The following LIN28B variants were observed in gnomAD, a reference collection of about 807,000 sequenced individuals.
LIN28B encodes the protein protein lin-28 homolog B.
A neutral mutation model predicts 21.9 loss-of-function variants in LIN28B; 5 were observed. The ratio of observed to expected loss-of-function variants is 0.23; its 90% CI spans 0.12 to 0.48. LIN28B has a LOEUF of 0.48. Ranked by LOEUF, LIN28B falls within the 20% of genes least tolerant of loss-of-function variation. The pLI is 0.98. For synonymous variants in LIN28B, 109 were observed against 111.3 expected (o/e 0.98, Z 0.13); for missense variants, 245 against 310.5 (o/e 0.79, Z 1.58).
rs1029562093 is a variant in LIN28B, at chr6:105,079,893, G to A, written c.*1110G>A. The A allele has an allele frequency of 6.6e-6, 1 of 152,174 alleles. No individual in the cohort carries two copies. Among genetic ancestry groups the A allele is most frequent in the African/African-American group, 2.4e-5 (1 of 41,436 alleles). The allele number at this position is 152,174 out of a possible 1,614,324, so 9.4% of individuals were successfully genotyped here. On this transcript the variant is annotated 3_prime_UTR_variant, in exon 4 of 4. Transcript: ENST00000345080. ...TACTGGGGTTGAGAATTAAAATTAA[G>A]TGGATGTTCACAGTTGCCCAATATA...
chr6:104,986,320 C>T (rs2114259276), intron 2 of LIN28B, among the ~76,000 whole-genome samples: 1 of 152,224 alleles, frequency 6.6e-6, no homozygotes, highest in South Asian at 2.1e-4. Context: ...TTGTTTATAG[C>T]AGTGCAAGAA....
chr6:104,974,499 A>G (rs905303662), intron 2 of LIN28B, among the ~76,000 whole-genome samples: 5 of 151,482 alleles, frequency 3.3e-5, no homozygotes, highest in African/African-American at 4.8e-5. Flanking sequence ...AAAAAAAAAA[A>G]AAAAAGAAAA....
intron 2 of LIN28B, among the ~76,000 whole-genome samples, chr6:104,989,913 G>A (rs1412592633): frequency 1.3e-5 from 2 of 152,052 alleles, no homozygotes; most frequent in African/African-American, 2.4e-5. Flanking sequence ...GAAATTTTAG[G>A]TTATTGATTT....
intron 3 of LIN28B, among the ~76,000 whole-genome samples, chr6:105,038,774 C>A (rs9500021): frequency 6.6e-6 from 1 of 151,974 alleles, no homozygotes; most frequent in Non-Finnish European, 1.5e-5. Context: ...AAAGAAAAAA[C>A]AAAGCCTGAC....
chr6:105,011,291 G>A (rs985323156), intron 2 of LIN28B, among the ~76,000 whole-genome samples: 1 of 152,066 alleles, frequency 6.6e-6, no homozygotes, highest in African/African-American at 2.4e-5. Flanking sequence ...CCTGGGCTCT[G>A]GTGATCCTCA....
rs1407213447 is a variant in LIN28B, at chr6:105,082,993, T to C, written c.*4210T>C. 5 of 152,644 alleles carry C rather than the reference T, an allele frequency of 3.3e-5. No homozygotes were observed. Among genetic ancestry groups the C allele is most frequent in the Non-Finnish European group, 5.9e-5 (4 of 68,032 alleles). 9.5% of individuals were successfully genotyped at this position (152,644 alleles called of 1,614,324 possible). On this transcript the variant is annotated 3_prime_UTR_variant, in exon 4 of 4. Coordinates refer to ENST00000345080, the MANE Select transcript of LIN28B (RefSeq NM_001004317.4). ...TACTAGAGACCAAAGTGAACCCTGA[T>C]TTTTATATGTCTTTAATAATGGTGT... is the stretch of plus-strand genomic sequence containing the variant.
intron 3 of LIN28B, among the ~76,000 whole-genome samples, chr6:105,047,610 G>T (rs549978164): frequency 1.3e-5 from 2 of 152,280 alleles, no homozygotes; most frequent in African/African-American, 4.8e-5. Flanking sequence ...ACCTTGGGCA[G>T]TATGGCCATT....
At chr6:105,004,874 A>G (rs1385103307) in intron 2 of LIN28B, among the ~76,000 whole-genome samples, 2 of 151,922 alleles carry the variant, frequency 1.3e-5, no homozygotes, top group South Asian at 2.1e-4. Context: ...TCCAGTCCAG[A>G]CTCTGTTGTT....
intron 2 of LIN28B, among the ~76,000 whole-genome samples, chr6:104,989,055 A>G (rs750455647): frequency 6.6e-6 from 1 of 151,970 alleles, no homozygotes; most frequent in Non-Finnish European, 1.5e-5. Flanking sequence ...CTGTCCTTAT[A>G]TTGGAAATTT....
At chr6:105,046,773 A>G (rs2114376313) in intron 3 of LIN28B, among the ~76,000 whole-genome samples, 1 of 152,250 alleles carries the variant, frequency 6.6e-6, no homozygotes, top group Non-Finnish European at 1.5e-5. Flanking sequence ...GCCAGTGATG[A>G]TGAGCGTTTT....
chr6:104,954,275 C>G (rs760019568), upstream of LIN28B, among the ~76,000 whole-genome samples: 36 of 152,130 alleles, frequency 2.4e-4, no homozygotes, highest in Non-Finnish European at 4.7e-4. Context: ...GGAAAGCATT[C>G]TAGAAGACTC....
intron 3 of LIN28B, among the ~76,000 whole-genome samples, chr6:105,077,962 T>C (rs1772468820): frequency 6.6e-6 from 1 of 152,216 alleles, no homozygotes; most frequent in Non-Finnish European, 1.5e-5. Context: ...GTCTAAAATT[T>C]TGCCAGTTTC....
At chr6:105,039,218 C>T (rs950635559) in intron 3 of LIN28B, among the ~76,000 whole-genome samples, 3 of 152,066 alleles carry the variant, frequency 2.0e-5, no homozygotes, top group Non-Finnish European at 4.4e-5. Context: ...TGTATTTGTG[C>T]GAGTACTGAA....
chr6:104,991,877 G>A (rs972410480), intron 2 of LIN28B, among the ~76,000 whole-genome samples: 46 of 152,260 alleles, frequency 3.0e-4, no homozygotes, highest in Middle Eastern at 3.4e-3. Flanking sequence ...TCGGGGTGGC[G>A]GCGTGCGCCT....
At chr6:105,003,726 G>C (rs1172777450) in intron 2 of LIN28B, among the ~76,000 whole-genome samples, 2 of 152,034 alleles carry the variant, frequency 1.3e-5, no homozygotes, top group African/African-American at 4.8e-5. Flanking sequence ...TGTTAGCCAG[G>C]CTGGTCTCAA....
rs538328978 is a variant in LIN28B at position 104,975,809 on chromosome 6, C to T, written c.198+17523C>T. ...AGCTGGGACTACAGGTGCGTGCCAC[C>T]ATGCTCAGCTAATTCTTTTCTTCTT... On this transcript the variant is annotated intron_variant, in intron 2 of 3. Transcript: ENST00000345080. Among the ~76,000 whole-genome samples the T allele has an allele frequency of 5.7e-4, 86 of 151,900 alleles. No homozygotes were observed. In the South Asian group the frequency reaches 0.017, roughly 29 times the overall value.
chr6:104,968,384 T>C (rs1769907010), intron 2 of LIN28B, among the ~76,000 whole-genome samples: 1 of 152,240 alleles, frequency 6.6e-6, no homozygotes, highest in African/African-American at 2.4e-5. Flanking sequence ...AAATATGTTT[T>C]TCACATTTCA....
intron 2 of LIN28B, among the ~76,000 whole-genome samples, chr6:104,981,990 G>A (rs563094536): frequency 6.6e-6 from 1 of 152,264 alleles, no homozygotes; most frequent in South Asian, 2.1e-4. Flanking sequence ...TGTGCATAGT[G>A]ATGATAGATA....
chr6:104,956,410 C>T (rs80118641), upstream of LIN28B, among the ~76,000 whole-genome samples: 117 of 152,282 alleles, frequency 7.7e-4, 1 homozygote, highest in East Asian at 0.022. Flanking sequence ...TTACCAACCC[C>T]CTCTAAAATT....
Sources: allele counts gnomAD v4.1 joint callset (sites outside exome capture counted in the v4.1 genomes callset), GRCh38; gene constraint gnomAD v4.1.1; transcripts MANE v1.5; gene names NCBI Gene and HGNC (gene_info 2026-07-23, HGNC 2026-07-21).